CCDC171: variants seen among roughly 807,000 people sequenced by gnomAD.
The protein encoded by CCDC171 is coiled-coil domain-containing protein 171.
Under a neutral mutation model 168.2 loss-of-function variants are expected in CCDC171, and 177 were observed. The observed-to-expected ratio is 1.05, with a 90% CI of 0.93 to 1.19. The LOEUF is 1.19. CCDC171 is among the 50% of genes most tolerant of loss of function. CCDC171 has a pLI of 0.00. For missense variants in CCDC171, 1,991 were observed against 1,539.0 expected (o/e 1.29, Z -4.91); for synonymous variants, 687 against 540.8 (o/e 1.27, Z -3.75).
At chr9:15,642,092 A>T (rs2046656147) in intron 7 of CCDC171, among the ~76,000 whole-genome samples, 1 of 151,752 alleles carries the variant, frequency 6.6e-6, no homozygotes, top group African/African-American at 2.4e-5. Context: ...TGAAACCAGG[A>T]GGTGGTTGCA....
intron 6 of CCDC171, among the ~76,000 whole-genome samples, chr9:16,030,465 G>A (rs1341696122): frequency 4.6e-5 from 7 of 152,178 alleles, no homozygotes; most frequent in African/African-American, 1.4e-4. Context: ...TTAGTACATA[G>A]TCTATAGGTG....
At chr9:15,599,887 T>A (rs2042695070) in intron 6 of CCDC171, among the ~76,000 whole-genome samples, 1 of 152,302 alleles carries the variant, frequency 6.6e-6, no homozygotes, top group South Asian at 2.1e-4. Flanking sequence ...TCTCACTTCA[T>A]TTCATTCATT....
At chr9:15,696,104 C>T (rs2051193901) in intron 11 of CCDC171, among the ~76,000 whole-genome samples, 1 of 152,124 alleles carries the variant, frequency 6.6e-6, no homozygotes, top group African/African-American at 2.4e-5. Context: ...TAACACAATT[C>T]TATTCTTCAA....
chr9:15,766,692 G>A (rs2056739780), intron 18 of CCDC171, among the ~76,000 whole-genome samples: 1 of 151,452 alleles, frequency 6.6e-6, no homozygotes, highest in African/African-American at 2.4e-5. Context: ...CTCTGTCTCT[G>A]TCACCCAGGC....
In CCDC171 at chr9:15,897,470, G is replaced by A. The variant is rs187687362; in HGVS notation, c.3601-22800G>A. 2.0e-5 allele frequency among the ~76,000 whole-genome samples: 3 copies of A among 152,112 alleles called. 1 individual carries two copies. Among genetic ancestry groups the A allele is most frequent in the Admixed American group, 2.0e-4 (3 of 15,254 alleles). ...TGATAGAATAGAGATTCATTATTTT[G>A]TTACAAATGTTTATTGAACAACTAC... is the stretch of plus-strand genomic sequence containing the variant. On this transcript the variant is annotated intron_variant, in intron 24 of 25. Transcript: ENST00000380701.
At chr9:16,030,047 A>C (rs1833341491) in intron 6 of CCDC171, among the ~76,000 whole-genome samples, 1 of 152,202 alleles carries the variant, frequency 6.6e-6, no homozygotes, top group African/African-American at 2.4e-5. Flanking sequence ...GAAAGGCAAG[A>C]GGGCAAGGCG....
intron 9 of CCDC171, 40 bp downstream of exon 9, chr9:15,666,363 G>T (rs1457660688): frequency 8.0e-6 from 11 of 1,376,136 alleles, no homozygotes; most frequent in Admixed American, 2.0e-5. Flanking sequence ...TTAACATAAA[G>T]ATTTTAAAAG....
chr9:15,949,382 T>G (rs201557028), intron 25 of CCDC171, among the ~76,000 whole-genome samples: 15 of 152,170 alleles, frequency 9.9e-5, no homozygotes, highest in East Asian at 7.7e-4. Flanking sequence ...GCTTGATGGG[T>G]ATGGCATTGA....
chr9:15,980,380 C>T (rs1831755128), intron 3 of CCDC171, among the ~76,000 whole-genome samples: 1 of 152,086 alleles, frequency 6.6e-6, no homozygotes, highest in African/African-American at 2.4e-5. Flanking sequence ...CTTAAGGTCC[C>T]CCTAGCCCCA....
At chr9:15,568,419 C>T (rs945663203) in intron 2 of CCDC171, among the ~76,000 whole-genome samples, 27 of 147,012 alleles carry the variant, frequency 1.8e-4, no homozygotes, top group Non-Finnish European at 3.0e-4. Flanking sequence ...TACAGGTGCC[C>T]GCCACCACGC....
chr9:15,880,754 A>G (rs1169473), intron 24 of CCDC171, among the ~76,000 whole-genome samples: 132,047 of 151,916 alleles, frequency 0.87, 57,430 homozygotes, highest in East Asian at 0.96. Context: ...GGGATTACAG[A>G]CATGAGCCAC....
chr9:15,729,432 G>A (rs982350671), intron 15 of CCDC171, among the ~76,000 whole-genome samples, 178 bp from the exon 16 acceptor site: 1 of 152,032 alleles, frequency 6.6e-6, no homozygotes, highest in Non-Finnish European at 1.5e-5. Context: ...CTAACGTGTG[G>A]CAGTTTACAC....
chr9:15,562,497 A>T (rs988074073), intron 1 of CCDC171, among the ~76,000 whole-genome samples: 1 of 152,268 alleles, frequency 6.6e-6, no homozygotes, highest in African/African-American at 2.4e-5. Context: ...AGATTTGAAG[A>T]TGTTAGGTGC....
intron 4 of CCDC171, among the ~76,000 whole-genome samples, chr9:15,586,872 G>A (rs2041603010): frequency 6.6e-6 from 1 of 151,998 alleles, no homozygotes; most frequent in African/African-American, 2.4e-5. Context: ...CAGTGGTGTG[G>A]TCATAGCTCA....
rs764620231 is a variant in CCDC171, at chr9:15,889,360, A to T, written c.3600+14697A>T. ...AACAGGTTCTATGCAAAGGACATAT[A>T]CTGTTGTTTCCATGCATTGTGTCAA... On this transcript the variant is annotated intron_variant, in intron 24 of 25. Transcript: ENST00000380701. Among the ~76,000 whole-genome samples, 111 of 152,166 alleles carry T rather than the reference A, an allele frequency of 7.3e-4. 1 individual carries two copies. The highest frequency in any genetic ancestry group is 2.0e-4 in the Admixed American group (3 of 15,274).
At chr9:16,038,018 A>C (rs1833504706), upstream of CCDC171, among the ~76,000 whole-genome samples, 1 of 152,192 alleles carries the variant, frequency 6.6e-6, no homozygotes, top group East Asian at 1.9e-4. Flanking sequence ...ATGAAATTGC[A>C]AAATACTGAT....
At chr9:15,687,043 AATC>A (rs1421638801) in intron 10 of CCDC171, among the ~76,000 whole-genome samples, 3 of 152,242 alleles carry the variant, frequency 2.0e-5, no homozygotes, top group Non-Finnish European at 4.4e-5. Flanking sequence ...AAAGGATTGA[AATC>A]ATACAAAGTG....
chr9:15,706,850 A>T (rs2052281040), intron 11 of CCDC171, among the ~76,000 whole-genome samples: 1 of 152,224 alleles, frequency 6.6e-6, no homozygotes, highest in South Asian at 2.1e-4. Context: ...GAAGGATCCC[A>T]GGAAATAAAA....
chr9:15,855,868 A>G (rs1353675957), intron 23 of CCDC171, among the ~76,000 whole-genome samples: 3 of 151,912 alleles, frequency 2.0e-5, no homozygotes, highest in African/African-American at 4.8e-5. Context: ...ACATTCTTAT[A>G]TATTGTGTGC....
Sources: gnomAD v4.1 joint callset for allele counts (sites outside exome capture counted in the v4.1 genomes callset) on GRCh38, gnomAD v4.1.1 for gene constraint, MANE v1.5 for transcripts, NCBI Gene and HGNC (gene_info 2026-07-23, HGNC 2026-07-21) for gene names.